Variants in DOCK8 observed in about 807,000 individuals in gnomAD.
DOCK8 encodes dedicator of cytokinesis protein 8.
Under a neutral mutation model 245.6 loss-of-function variants are expected in DOCK8, and 141 were observed. The observed-to-expected ratio is 0.57, with a 90% CI of 0.50 to 0.66. DOCK8 has a LOEUF of 0.66. Ranked by LOEUF, DOCK8 falls within the 30% of genes least tolerant of loss-of-function variation. The pLI, the probability that DOCK8 is intolerant of heterozygous loss-of-function variation, is 0.00. For missense variants in DOCK8, 2,965 were observed against 2,603.4 expected, an observed-to-expected ratio of 1.14 and a Z score of -3.02; for synonymous variants, 1,168 against 970.2, an observed-to-expected ratio of 1.20 and a Z score of -3.79.
At position 334,208 on chromosome 9, in the gene DOCK8, T is replaced by C. The variant is rs759693100; in HGVS notation, c.1126-17T>C. 3.1e-6 allele frequency: 5 copies of C among 1,614,034 alleles called. No homozygotes were observed. The highest frequency in any genetic ancestry group is 4.2e-6 in the Non-Finnish European group (5 of 1,180,014). ...GCTGATGCTTGTTTCAGCTTGTTTC[T>C]TTCCATTTTCCTCCAGAGTAAAGAA... is the stretch of plus-strand genomic sequence containing the variant. On this transcript the variant is annotated splice_polypyrimidine_tract_variant and intron_variant, in intron 10 of 47. Coordinates refer to ENST00000432829, the MANE Select transcript of DOCK8 (RefSeq NM_203447.4).
Position 379,783 on chromosome 9 carries a change from A to G in DOCK8, c.2453A>G (p.Gln818Arg). ...VIAGQTANFSQFAFESVVAIA... is the reference protein window; with the variant it reads ...VIAGQTANFSRFAFESVVAIA... ...CTTGGTTCCTCAGCCAACTTCTCCC[A>G]GTTTGCCTTCGAGTCCGTGGTGGCC... The change falls in exon 21 of 48, where the codon CAG becomes CGG. Residue 818 changes from glutamine to arginine, a missense_variant. Gln to Arg is a conservative substitution (Grantham distance 43). This residue lies in a region of DOCK8 where 2,825 missense variants were observed against 2,453.5 expected (regional missense o/e 1.15). Transcript: ENST00000432829. 1 of 1,614,184 alleles carries G rather than the reference A, an allele frequency of 6.2e-7. No homozygotes were observed. Among genetic ancestry groups the G allele is most frequent in the Non-Finnish European group, 8.5e-7 (1 of 1,180,046 alleles).
chr9:261,140 G>T (rs1158675445), intron 1 of DOCK8, among the ~76,000 whole-genome samples: 1 of 151,828 alleles, frequency 6.6e-6, no homozygotes. Context: ...GAGGGAACTG[G>T]GTACCTGGCA....
Position 439,322 on chromosome 9 carries a change from A to G in DOCK8, c.5157A>G (p.Ala1719=), listed in dbSNP as rs559154769. 6.2e-7 allele frequency: 1 copy of G among 1,614,108 alleles called. No homozygotes were observed. The highest frequency in any genetic ancestry group is 1.1e-5 in the South Asian group (1 of 91,076). ...TLSPDEDGVC[A]GQYFTESGLV... is the part of the protein sequence containing the mutation. ...CACCTGACGAGGATGGGGTGTGCGCAGGCCAGTACTTCACCGAGAGTGGCC... is the reference window on the plus strand; with the variant it reads ...CACCTGACGAGGATGGGGTGTGCGCGGGCCAGTACTTCACCGAGAGTGGCC... Residue 1719 remains alanine (A), a synonymous_variant, in exon 40 of 48, where the codon GCA becomes GCG. Coordinates refer to ENST00000432829, the MANE Select transcript of DOCK8 (RefSeq NM_203447.4).
Position 368,522 on chromosome 9 carries a change from A to G in DOCK8, c.1797+387A>G, listed in dbSNP as rs76593253. 0.021 allele frequency: 11,178 copies of G among 536,728 alleles called. 955 individuals are homozygous for G. Among genetic ancestry groups the G allele is most frequent in the African/African-American group, 0.19 (9,868 of 52,880 alleles). The allele number at this position is 536,728 out of a possible 1,614,324, so 33.2% of individuals were successfully genotyped here. ...TGTACACACTGTGTTATACACACAC[A>G]GTGTTACACACTTACTCAAGCCTCG... On this transcript the variant is annotated intron_variant, in intron 15 of 47. Coordinates refer to ENST00000432829, the MANE Select transcript of DOCK8 (RefSeq NM_203447.4).
intron 14 of DOCK8, among the ~76,000 whole-genome samples, chr9:351,473 G>C (rs559408363): frequency 6.6e-6 from 1 of 152,352 alleles, no homozygotes; most frequent in African/African-American, 2.4e-5. Context: ...ACAAAGCTGT[G>C]ATTACAGCTG....
At chr9:400,959 C>CCAT (rs1564016828) in intron 26 of DOCK8, among the ~76,000 whole-genome samples, 8 of 47,880 alleles carry the variant, frequency 1.7e-4, no homozygotes, top group Non-Finnish European at 2.6e-4. Flanking sequence ...ACCACCACCA[C>CCAT]CACCACCTCC....
chr9:418,242 A>G (rs202042902), intron 30 of DOCK8, 35 bp downstream of exon 30: 16 of 1,612,790 alleles, frequency 9.9e-6, no homozygotes, highest in Non-Finnish European at 1.3e-5. Context: ...TTGATTTTTC[A>G]TTTCATGTCT....
chr9:442,576 G>A (rs941327418), intron 42 of DOCK8, among the ~76,000 whole-genome samples: 5 of 152,232 alleles, frequency 3.3e-5, no homozygotes, highest in African/African-American at 9.6e-5. Context: ...GTAGCATGTT[G>A]TTAGAAGCAA....
chr9:300,034 A>G (rs1470384977), intron 4 of DOCK8, among the ~76,000 whole-genome samples: 1 of 151,946 alleles, frequency 6.6e-6, no homozygotes, highest in Admixed American at 6.6e-5. Flanking sequence ...AAAAAAAAAA[A>G]AGATGGCCCA....
chr9:303,978 T>C (rs543998021), intron 4 of DOCK8, among the ~76,000 whole-genome samples: 2 of 152,376 alleles, frequency 1.3e-5, no homozygotes, highest in South Asian at 4.1e-4. Flanking sequence ...ACCTTTCTTA[T>C]GATGGTCTGT....
At chr9:375,159 A>G (rs1055004093) in intron 18 of DOCK8, among the ~76,000 whole-genome samples, 2 of 152,162 alleles carry the variant, frequency 1.3e-5, no homozygotes, top group Non-Finnish European at 2.9e-5. Flanking sequence ...GCTAGAGCCC[A>G]CTTTGGGCCC....
At chr9:269,366 G>T (rs974757037) in intron 1 of DOCK8, among the ~76,000 whole-genome samples, 1 of 152,096 alleles carries the variant, frequency 6.6e-6, no homozygotes, top group Non-Finnish European at 1.5e-5. Flanking sequence ...GTTCATTTAT[G>T]TTGTGGTGTA....
At chr9:282,389 C>T (rs1205095701) in intron 2 of DOCK8, among the ~76,000 whole-genome samples, 1 of 150,280 alleles carries the variant, frequency 6.7e-6, no homozygotes, top group Non-Finnish European at 1.5e-5. Context: ...AGGGACATGA[C>T]AAGTTTGCTT....
rs139345985 is a variant in DOCK8 at position 374,385 on chromosome 9, T to G, written c.2110-1825T>G. On this transcript the variant is annotated intron_variant, in intron 18 of 47. Coordinates refer to ENST00000432829, the MANE Select transcript of DOCK8 (RefSeq NM_203447.4). ...TGTATTAATAATTTTTTACATTGAT[T>G]ACATATTGAAACAGTCTTTAGGCTG... Among the ~76,000 whole-genome samples, 186 of 151,952 alleles carry G rather than the reference T, an allele frequency of 1.2e-3. 1 individual carries two copies. The highest frequency in any genetic ancestry group is 4.0e-3 in the African/African-American group (164 of 41,476).
At chr9:340,470 A>G in intron 14 of DOCK8, 149 bp downstream of exon 14, 2 of 1,003,010 alleles carry the variant, frequency 2.0e-6, no homozygotes, top group Non-Finnish European at 1.5e-6. Flanking sequence ...CATATACAAA[A>G]TTTAGCTGGG....
At chr9:425,073 T>C (rs2056429769) in intron 33 of DOCK8, among the ~76,000 whole-genome samples, 1 of 152,266 alleles carries the variant, frequency 6.6e-6, no homozygotes, top group Non-Finnish European at 1.5e-5. Context: ...AGACAGTATT[T>C]TTTATCTTTT....
chr9:376,808 C>CT (rs1468562265), intron 19 of DOCK8, among the ~76,000 whole-genome samples, 169 bp from the exon 20 acceptor site: 1 of 152,218 alleles, frequency 6.6e-6, no homozygotes, highest in Non-Finnish European at 1.5e-5. Flanking sequence ...GCACCACATT[C>CT]TACAAAGAAG....
At chr9:403,991 T>TAC (rs1564022057) in intron 26 of DOCK8, among the ~76,000 whole-genome samples, 17 of 90,120 alleles carry the variant, frequency 1.9e-4, no homozygotes, top group African/African-American at 9.2e-4. Flanking sequence ...TATATATATA[T>TAC]GTGTATATAT....
intron 24 of DOCK8, among the ~76,000 whole-genome samples, chr9:393,607 T>C (rs918159925): frequency 6.6e-6 from 1 of 152,204 alleles, no homozygotes; most frequent in South Asian, 2.1e-4. Flanking sequence ...TAGGGCTTCG[T>C]TGGCCCAGGA....
Sources: allele counts gnomAD v4.1 joint callset (sites outside exome capture counted in the v4.1 genomes callset), GRCh38; gene constraint gnomAD v4.1.1; regional missense constraint gnomAD v4.1.1; transcripts MANE v1.5; gene names NCBI Gene and HGNC (gene_info 2026-07-23, HGNC 2026-07-21).